Variants in RFTN1 observed in about 807,000 individuals in gnomAD.
RFTN1 encodes raftlin.
In RFTN1, 26 loss-of-function variants were observed where a neutral mutation model predicts 46.5. The ratio of observed to expected loss-of-function variants is 0.56; its 90% confidence interval spans 0.41 to 0.78. The LOEUF (loss-of-function observed/expected upper bound fraction) is 0.78. Among genes scored for constraint, RFTN1 ranks in the 30% least tolerant of loss-of-function variants. The probability of loss-of-function intolerance (pLI) is 0.00; values close to 1 mark genes in which losing one functional copy is unlikely to be tolerated. For missense variants in RFTN1, 693 were observed against 718.7 expected, an observed-to-expected ratio of 0.96 and a Z score of 0.41; for synonymous variants, 261 against 284.2, an observed-to-expected ratio of 0.92 and a Z score of 0.82.
rs114871604 is a variant in RFTN1, at chr3:16,502,566, G to T, written c.-8-8689C>A. Among the ~76,000 whole-genome samples, 483 of 152,274 alleles carry T rather than the reference G, an allele frequency of 3.2e-3. 3 individuals carry two copies. Among genetic ancestry groups the T allele is most frequent in the Middle Eastern group, 0.02 (6 of 294 alleles). ...GGTGGAAATGAGTGTGATTTCCCAG[G>T]CTACTTTATAGGAAACATTGTGGGT... On this transcript the variant is annotated intron_variant, in intron 1 of 9. Coordinates refer to ENST00000334133, the MANE Select transcript of RFTN1 (RefSeq NM_015150.2).
rs1426208417 is a variant in RFTN1 at position 16,452,416 on chromosome 3, G to A, written c.146-18379C>T. 6.6e-6 allele frequency among the ~76,000 whole-genome samples: 1 copy of A among 152,184 alleles called. No homozygotes were observed. Among genetic ancestry groups the A allele is most frequent in the Admixed American group, 6.5e-5 (1 of 15,280 alleles). Reference sequence around the variant, plus strand: ...TCCCTCCATCTTCACAATGTTGATTGAAATGCTTAGCTACTGTATCATGGG... The same window carrying A: ...TCCCTCCATCTTCACAATGTTGATTAAAATGCTTAGCTACTGTATCATGGG... On this transcript the variant is annotated intron_variant, in intron 2 of 9. Coordinates refer to ENST00000334133, the MANE Select transcript of RFTN1 (RefSeq NM_015150.2). The surrounding 1 kb of genome is among the most constrained non-coding windows in gnomAD (Gnocchi z 6.3).
chr3:16,511,754 A>C (rs2076905764), intron 1 of RFTN1, among the ~76,000 whole-genome samples: 1 of 151,998 alleles, frequency 6.6e-6, no homozygotes, highest in Admixed American at 6.6e-5. Flanking sequence ...CAATTATTTG[A>C]ATGTAAGCCA....
chr3:16,410,210 T>TAC lies in RFTN1; in HGVS notation c.333-728_333-727insGT, dbSNP rs2074955030. 8.8e-6 allele frequency among the ~76,000 whole-genome samples: 1 copy of TAC among 114,256 alleles called. No homozygotes were observed. Among genetic ancestry groups the TAC allele is most frequent in the Non-Finnish European group, 1.7e-5 (1 of 57,274 alleles). The allele number at this position is 114,256 out of a possible 152,430, so 75.0% of individuals were successfully genotyped here. On this transcript the variant is annotated intron_variant, in intron 3 of 9. Coordinates refer to ENST00000334133, the MANE Select transcript of RFTN1 (RefSeq NM_015150.2). This position sits in a 1 kb window ranked among gnomAD's most constrained non-coding sequence, Gnocchi z 4.6. ...GTTTGGTACAATACAGCTTACATGT[T>TAC]ATACACACACACACACACACACACA...
At chr3:16,476,422 T>C (rs948321883) in intron 2 of RFTN1, among the ~76,000 whole-genome samples, 12 of 152,214 alleles carry the variant, frequency 7.9e-5, no homozygotes, top group Admixed American at 3.9e-4. Flanking sequence ...TTGGAGGACA[T>C]GGTAAATACC....
intron 7 of RFTN1, among the ~76,000 whole-genome samples, chr3:16,332,564 G>A (rs375045993): frequency 1.2e-4 from 19 of 152,020 alleles, no homozygotes; most frequent in African/African-American, 4.3e-4. Context: ...ACCACGCCAC[G>A]TTAGGATTTT....
intron 4 of RFTN1, among the ~76,000 whole-genome samples, chr3:16,398,950 C>T (rs992733211): frequency 4.6e-5 from 7 of 152,152 alleles, no homozygotes; most frequent in South Asian, 2.1e-4. Flanking sequence ...TCTGCAGTGA[C>T]GACAAAGGAG....
In RFTN1 at chr3:16,317,024, T is replaced by C. The variant is rs756719577; in HGVS notation, c.1541A>G (p.Glu514Gly). Residue 514 changes from glutamate to glycine, a missense_variant, in exon 10 of 10, where the codon GAG (glutamate) becomes GGG (glycine). Physicochemically the swap from Glu to Gly is moderately conservative, Grantham distance 98. Coordinates refer to ENST00000334133, the MANE Select transcript of RFTN1 (RefSeq NM_015150.2). This position sits in a 1 kb window ranked among gnomAD's most constrained non-coding sequence, Gnocchi z 4.3. ...VSEEMKGPVQ[E>G]DKGEQLSPGG... ...AGGGGACAGCTGTTCTCCCTTGTCC[T>C]CTTGGACAGGGCCCTTCATCTCCTC... 18 of 1,613,690 alleles carry C rather than the reference T, an allele frequency of 1.1e-5. No homozygotes were observed. The South Asian group carries it at 1.9e-4, about 17-fold the overall frequency.
Position 16,317,379 on chromosome 3 carries a change from A to C in RFTN1, c.1333-147T>G. On this transcript the variant is annotated intron_variant, in intron 9 of 9. Coordinates refer to ENST00000334133, the MANE Select transcript of RFTN1 (RefSeq NM_015150.2). The surrounding 1 kb of genome is among the most constrained non-coding windows in gnomAD (Gnocchi z 4.3). Reference sequence around the variant, plus strand: ...CCCAGCCAGGCAGTACAGGCACCAAACTTGAATCGCACACTATCACATCAC... The same window carrying C: ...CCCAGCCAGGCAGTACAGGCACCAACCTTGAATCGCACACTATCACATCAC... 4.0e-6 allele frequency: 3 copies of C among 757,180 alleles called. No homozygotes were observed. Among genetic ancestry groups the C allele is most frequent in the Admixed American group, 2.8e-5 (1 of 35,554 alleles). The allele number at this position is 757,180 out of a possible 1,614,324, so 46.9% of individuals were successfully genotyped here.
chr3:16,434,869 T>C (rs1016065368), intron 2 of RFTN1: 1 of 152,226 alleles, frequency 6.6e-6, no homozygotes, highest in Admixed American at 6.5e-5. Flanking sequence ...GAAAAATATA[T>C]GAATAGGCAA....
chr3:16,510,703 GA>G (rs2076883630), intron 1 of RFTN1, among the ~76,000 whole-genome samples: 1 of 152,308 alleles, frequency 6.6e-6, no homozygotes, highest in African/African-American at 2.4e-5. Flanking sequence ...ACCATGTTGG[GA>G]AAAGGTCTGG....
chr3:16,373,331 C>T (rs138277045), intron 5 of RFTN1, among the ~76,000 whole-genome samples: 1 of 152,350 alleles, frequency 6.6e-6, no homozygotes, highest in East Asian at 1.9e-4. Context: ...CCTCCTGTTA[C>T]ACGTGTTCAC....
intron 2 of RFTN1, among the ~76,000 whole-genome samples, chr3:16,461,089 T>G (rs1366569819): frequency 1.3e-5 from 2 of 152,264 alleles, no homozygotes; most frequent in East Asian, 3.8e-4. Context: ...AGTTAAATGT[T>G]TGTGATCCAA....
Position 16,334,200 on chromosome 3 carries a change from A to C in RFTN1, c.1147-7324T>G, listed in dbSNP as rs145357048. 3.7e-4 allele frequency among the ~76,000 whole-genome samples: 56 copies of C among 152,248 alleles called. 1 individual carries two copies. Among genetic ancestry groups the C allele is most frequent in the African/African-American group, 1.2e-3 (50 of 41,546 alleles). The stretch of plus-strand genomic sequence containing the variant: ...CAAAAACAAAAAACAACAACAAAAA[A>C]TACCCTGAGATACTATTTTTTCACC... On this transcript the variant is annotated intron_variant, in intron 7 of 9. Coordinates refer to ENST00000334133, the MANE Select transcript of RFTN1 (RefSeq NM_015150.2). This position sits in a 1 kb window ranked among gnomAD's most constrained non-coding sequence, Gnocchi z 4.3.
At chr3:16,405,947 T>G (rs2074846891) in intron 4 of RFTN1, among the ~76,000 whole-genome samples, 2 of 152,238 alleles carry the variant, frequency 1.3e-5, no homozygotes, top group African/African-American at 4.8e-5. Flanking sequence ...CAGCTTCATC[T>G]TGACCTAACT....
rs540677523 is a variant in RFTN1 at position 16,442,261 on chromosome 3, G to A, written c.146-8224C>T. The stretch of plus-strand genomic sequence containing the variant: ...TTAATCATTTTAAAGTGAACTATTT[G>A]GTGGCGTTTAGTATCTTCATGATGT... On this transcript the variant is annotated intron_variant, in intron 2 of 9. Coordinates refer to ENST00000334133, the MANE Select transcript of RFTN1 (RefSeq NM_015150.2). This position sits in a 1 kb window ranked among gnomAD's most constrained non-coding sequence, Gnocchi z 4.1. Among the ~76,000 whole-genome samples, 5 of 152,134 alleles carry A rather than the reference G, an allele frequency of 3.3e-5. No homozygotes were observed. Among genetic ancestry groups the A allele is most frequent in the African/African-American group, 1.2e-4 (5 of 41,480 alleles).
chr3:16,433,503 C>T lies in RFTN1; in HGVS notation c.332+348G>A, dbSNP rs1006932188. Among the ~76,000 whole-genome samples the T allele has an allele frequency of 1.3e-5, 2 of 152,144 alleles. No individual in the cohort carries two copies. The highest frequency in any genetic ancestry group is 2.9e-5 in the Non-Finnish European group (2 of 68,040). ...CAAAATTATTTGTTTTCCAGTCATG[C>T]CTTTCAGTTTAAAAGTATTGCACTT... On this transcript the variant is annotated intron_variant, in intron 3 of 9. Transcript: ENST00000334133. The surrounding 1 kb of genome is among the most constrained non-coding windows in gnomAD (Gnocchi z 4.4).
At position 16,379,369 on chromosome 3, in the gene RFTN1, T is replaced by C. The variant is rs554066845; in HGVS notation, c.442-1267A>G. Among the ~76,000 whole-genome samples, 44 of 152,380 alleles carry C rather than the reference T, an allele frequency of 2.9e-4. No individual in the cohort carries two copies. The South Asian group carries it at 6.4e-3, about 22-fold the overall frequency. On this transcript the variant is annotated intron_variant, in intron 4 of 9. Transcript: ENST00000334133. Reference sequence around the variant, plus strand: ...GCTAGACATAAAATAAGAATAGTAGTAATTACTGTCTACTGTAGACCTACT... The same window carrying C: ...GCTAGACATAAAATAAGAATAGTAGCAATTACTGTCTACTGTAGACCTACT...
chr3:16,362,032 G>A (rs567332420), intron 6 of RFTN1, among the ~76,000 whole-genome samples: 124 of 152,344 alleles, frequency 8.1e-4, no homozygotes, highest in African/African-American at 2.8e-3. Context: ...AGCAATAGCT[G>A]ACTGACACAA....
Position 16,471,566 on chromosome 3 carries a change from C to T in RFTN1, c.145+22159G>A, listed in dbSNP as rs77165982. ...GAGGTCAGGGAGAGAAGGAAACTTG[C>T]CCAGCATTGTCCAGCTGGCCAATTA... On this transcript the variant is annotated intron_variant, in intron 2 of 9. Coordinates refer to ENST00000334133, the MANE Select transcript of RFTN1 (RefSeq NM_015150.2). 2.5e-4 allele frequency among the ~76,000 whole-genome samples: 38 copies of T among 152,278 alleles called. 2 individuals are homozygous for T. The East Asian group carries it at 3.7e-3, about 15-fold the overall frequency.
Sources: gnomAD v4.1 joint callset for allele counts (sites outside exome capture counted in the v4.1 genomes callset) on GRCh38, gnomAD v4.1.1 for gene constraint, Gnocchi (gnomAD v3.1) non-coding constraint, MANE v1.5 for transcripts, NCBI Gene and HGNC (gene_info 2026-07-23, HGNC 2026-07-21) for gene names.